Variants in MAPT observed in about 807,000 individuals in gnomAD.
MAPT encodes the protein microtubule-associated protein tau.
MAPT carries 34 observed loss-of-function variants against 67.9 expected under a neutral mutation model. That is an observed-to-expected ratio of 0.50 (90% CI 0.38 to 0.67). The LOEUF (loss-of-function observed/expected upper bound fraction) is 0.67. MAPT is among the 30% of genes least tolerant of loss of function. The pLI is 0.00. For synonymous variants in MAPT, 456 were observed against 464.5 expected (o/e 0.98, Z 0.23); for missense variants, 881 against 1,115.2 (o/e 0.79, Z 2.99).
At chr17:45,920,250 G>C (rs2065571569) in intron 1 of MAPT, among the ~76,000 whole-genome samples, 1 of 152,222 alleles carries the variant, frequency 6.6e-6, no homozygotes, top group Non-Finnish European at 1.5e-5. Context: ...CCTGTCACCT[G>C]GCTGGTGCTC....
intron 1 of MAPT, among the ~76,000 whole-genome samples, chr17:45,924,637 C>G (rs1315112240): frequency 6.6e-6 from 1 of 152,214 alleles, no homozygotes; most frequent in African/African-American, 2.4e-5. Flanking sequence ...ATGCGTACAC[C>G]CATGTGTGTC....
chr17:45,941,691 CTTCCTTCCTGCCTGCCTT>C (rs2067950812), intron 1 of MAPT, among the ~76,000 whole-genome samples: 1 of 75,854 alleles, frequency 1.3e-5, no homozygotes, highest in African/African-American at 6.5e-5. Flanking sequence ...TCCTTCCTTC[CTTCCTTCCTGCCTGCCTT>C]CCTTCCTTCC....
Position 45,897,998 on chromosome 17 carries a change from C to T in MAPT, c.-18+3312C>T, listed in dbSNP as rs1338328365. 8.9e-6 allele frequency: 1 copy of T among 112,682 alleles called. No individual in the cohort carries two copies. Among genetic ancestry groups the T allele is most frequent in the Non-Finnish European group, 2.4e-5 (1 of 41,674 alleles). 7.0% of individuals were successfully genotyped at this position (112,682 alleles called of 1,614,324 possible). ...CTGTATAAGCATTGTATTATAATTA[C>T]TGTATAAGCTGCTTATATTTACTGT... On this transcript the variant is annotated intron_variant, in intron 1 of 12. Coordinates refer to ENST00000262410, the MANE Select transcript of MAPT (RefSeq NM_001377265.1). The surrounding 1 kb of genome is among the most constrained non-coding windows in gnomAD (Gnocchi z 5.0).
At position 46,024,510 on chromosome 17, in the gene MAPT, G is replaced by A. The variant is rs1447994502; in HGVS notation, c.*339G>A. 1.7e-5 allele frequency: 7 copies of A among 404,260 alleles called. No homozygotes were observed. The highest frequency in any genetic ancestry group is 1.4e-4 in the South Asian group (6 of 44,310). The allele number at this position is 404,260 out of a possible 1,614,324, so 25.0% of individuals were successfully genotyped here. A position where few individuals can be genotyped will look rare whatever the true frequency, so the allele number is the denominator to read the frequency against. On this transcript the variant is annotated 3_prime_UTR_variant, in exon 13 of 13. Coordinates refer to ENST00000262410, the MANE Select transcript of MAPT (RefSeq NM_001377265.1). Reference sequence around the variant, plus strand: ...CCCCTCCATGTAGAAGAGGGAGAAGGAGAGGCTCTGAAAGCTGCTTCTGGG... The same window carrying A: ...CCCCTCCATGTAGAAGAGGGAGAAGAAGAGGCTCTGAAAGCTGCTTCTGGG...
At chr17:45,903,347 G>A (rs898785268) in intron 1 of MAPT, among the ~76,000 whole-genome samples, 2 of 152,092 alleles carry the variant, frequency 1.3e-5, no homozygotes, top group Non-Finnish European at 2.9e-5. Context: ...TTGAACAGTG[G>A]CACCAAACTA....
chr17:45,946,615 A>AAAAAATATATAT, intron 1 of MAPT, among the ~76,000 whole-genome samples: 121 of 100,374 alleles, frequency 1.2e-3, no homozygotes, highest in African/African-American at 5.1e-3. Flanking sequence ...AAAAAAAAAA[A>AAAAAATATATAT]ATATATATAT....
At chr17:45,976,882 C>T (rs920586932) in intron 3 of MAPT, 10 of 152,326 alleles carry the variant, frequency 6.6e-5, no homozygotes, top group African/African-American at 2.4e-4. Flanking sequence ...AGGAAGCCTC[C>T]TCACACCCTC....
In MAPT at chr17:45,974,223, T is replaced by G. The variant is rs118087478; in HGVS notation, c.220+2278T>G. ...CATGTCAGTGTGCTTCCTGGGGAGC[T>G]GGTAGCAGGGGCTCCGGGCCCTACT... On this transcript the variant is annotated intron_variant, in intron 3 of 12. Coordinates refer to ENST00000262410, the MANE Select transcript of MAPT (RefSeq NM_001377265.1). 0.16 allele frequency: 106,070 copies of G among 655,876 alleles called. 10,751 individuals are homozygous for G. The highest frequency in any genetic ancestry group is 0.21 in the Non-Finnish European group (77,536 of 360,652). The allele number at this position is 655,876 out of a possible 1,614,324, so 40.6% of individuals were successfully genotyped here.
intron 11 of MAPT, among the ~76,000 whole-genome samples, chr17:46,017,337 G>C (rs1048913146): frequency 2.6e-5 from 4 of 151,714 alleles, no homozygotes; most frequent in African/African-American, 9.7e-5. Flanking sequence ...GCAGTGGTGC[G>C]ATCTCGGCTC....
intron 1 of MAPT, among the ~76,000 whole-genome samples, chr17:45,956,583 TATATATATATATATA>T (rs2069719348): frequency 3.1e-4 from 8 of 26,210 alleles, no homozygotes; most frequent in African/African-American, 8.3e-4. Context: ...TATATATATA[TATATATATATATATA>T]TATTTTTTAT....
chr17:46,007,443 C>T (rs1392538473), intron 9 of MAPT, among the ~76,000 whole-genome samples: 3 of 151,922 alleles, frequency 2.0e-5, no homozygotes, highest in Non-Finnish European at 4.4e-5. Context: ...GCTACGATGG[C>T]GCCACTGCAT....
chr17:45,972,425 C>T (rs1156840471), intron 3 of MAPT, among the ~76,000 whole-genome samples: 1 of 152,186 alleles, frequency 6.6e-6, no homozygotes, highest in African/African-American at 2.4e-5. Flanking sequence ...CTAACCTGTC[C>T]TTTCCAGACA....
chr17:45,910,932 G>A (rs1030132008), intron 1 of MAPT, among the ~76,000 whole-genome samples: 2 of 152,202 alleles, frequency 1.3e-5, no homozygotes, highest in Non-Finnish European at 2.9e-5. Flanking sequence ...CAGGGATCTA[G>A]AAGACAGAAG....
intron 9 of MAPT, chr17:45,999,435 G>T: frequency 1.2e-6 from 2 of 1,614,048 alleles, no homozygotes; most frequent in Non-Finnish European, 1.7e-6. Context: ...GCTTAGCATG[G>T]GAAGTAGCTT....
intron 6 of MAPT, among the ~76,000 whole-genome samples, 173 bp from the exon 7 acceptor site, chr17:45,989,705 C>T (rs1044569959): frequency 1.1e-4 from 16 of 152,186 alleles, no homozygotes; most frequent in Non-Finnish European, 4.4e-5. Context: ...GGTCACTTTC[C>T]TGTTCTTACT....
chr17:45,900,232 T>C (rs1327548285), intron 1 of MAPT, among the ~76,000 whole-genome samples: 1 of 152,220 alleles, frequency 6.6e-6, no homozygotes, highest in Non-Finnish European at 1.5e-5. Flanking sequence ...TGGGGCTACC[T>C]GAGAATCCTC....
intron 3 of MAPT, chr17:45,976,127 C>T (rs2072318395): frequency 6.6e-6 from 1 of 152,306 alleles, no homozygotes. Context: ...TGCACTCTGA[C>T]CTGTGCCCAC....
intron 1 of MAPT, among the ~76,000 whole-genome samples, chr17:45,940,090 A>G (rs2067719957): frequency 6.6e-6 from 1 of 152,252 alleles, no homozygotes; most frequent in African/African-American, 2.4e-5. Context: ...TAAAGGGGAC[A>G]AAGACAGCCT....
At chr17:45,998,605 G>T (rs2145862797) in intron 9 of MAPT, among the ~76,000 whole-genome samples, 1 of 152,276 alleles carries the variant, frequency 6.6e-6, no homozygotes, top group South Asian at 2.1e-4. Context: ...TCCTGCTCAG[G>T]CATGTGGAGC....
Sources: allele counts gnomAD v4.1 joint callset (sites outside exome capture counted in the v4.1 genomes callset), GRCh38; gene constraint gnomAD v4.1.1; non-coding constraint Gnocchi (gnomAD v3.1); transcripts MANE v1.5; gene names NCBI Gene and HGNC (gene_info 2026-07-23, HGNC 2026-07-21).